The following CCDC91 variants were observed in gnomAD, a reference collection of about 807,000 sequenced individuals.
CCDC91 encodes coiled-coil domain containing 91, also known as coiled-coil domain-containing protein 91.
CCDC91 carries 48 observed loss-of-function variants against 63.2 expected under a neutral mutation model. The observed-to-expected ratio is 0.76, with a 90% CI of 0.60 to 0.97. The LOEUF (loss-of-function observed/expected upper bound fraction) is 0.97, where lower values mean the gene tolerates loss of function less well. CCDC91 is among the 50% of genes least tolerant of loss of function. The pLI is 0.00. For synonymous variants in CCDC91, 167 were observed against 165.8 expected (o/e 1.01, Z -0.06); for missense variants, 500 against 494.6 (o/e 1.01, Z -0.10).
intron 6 of CCDC91, among the ~76,000 whole-genome samples, chr12:28,337,227 T>C (rs761697671): frequency 6.6e-5 from 10 of 152,188 alleles, no homozygotes; most frequent in Non-Finnish European, 1.3e-4. Flanking sequence ...GAATCAGTTG[T>C]AATATTTTCC....
intron 11 of CCDC91, among the ~76,000 whole-genome samples, chr12:28,479,274 T>C (rs372762436): frequency 1.3e-5 from 2 of 152,160 alleles, no homozygotes; most frequent in East Asian, 1.9e-4. Context: ...CATGGAATAC[T>C]ATGCAGCCAT....
intron 6 of CCDC91, among the ~76,000 whole-genome samples, chr12:28,325,702 G>T (rs1368591316): frequency 6.6e-6 from 1 of 151,864 alleles, no homozygotes. Flanking sequence ...CAAGGAAAAT[G>T]CACTGGATTA....
At position 28,510,041 on chromosome 12, in the gene CCDC91, G is replaced by A. The variant is rs556175233; in HGVS notation, c.1215+25876G>A. On this transcript the variant is annotated intron_variant, in intron 12 of 12. Transcript: ENST00000536442. ...GCAAGTAGGGGTACCCATGTAGAAG[G>A]GAGTAGAGACACCAAGGGCTGAATC... Among the ~76,000 whole-genome samples the A allele has an allele frequency of 2.0e-5, 3 of 151,804 alleles. No individual in the cohort carries two copies. In the South Asian group the frequency reaches 6.2e-4, roughly 31 times the overall value.
At chr12:28,427,510 A>G (rs1389617769) in intron 8 of CCDC91, among the ~76,000 whole-genome samples, 1 of 151,912 alleles carries the variant, frequency 6.6e-6, no homozygotes, top group Non-Finnish European at 1.5e-5. Flanking sequence ...CCACCATCGC[A>G]AAGCCTTCTG....
At chr12:28,546,331 A>G (rs1942987130) in intron 12 of CCDC91, among the ~76,000 whole-genome samples, 2 of 152,094 alleles carry the variant, frequency 1.3e-5, no homozygotes, top group Non-Finnish European at 2.9e-5. Flanking sequence ...TTTCTTACAA[A>G]TGCCCACTAA....
At chr12:28,519,913 G>T (rs946523256) in intron 12 of CCDC91, among the ~76,000 whole-genome samples, 1 of 151,858 alleles carries the variant, frequency 6.6e-6, no homozygotes, top group African/African-American at 2.4e-5. Context: ...CCTTTTTTAT[G>T]GCTGCATAGT....
rs535849922 is a variant in CCDC91, at chr12:28,459,296, A to G, written c.1101+6642A>G. ...AACTGTACCACTGCTCAGCCATATT[A>G]TTATAAAAAGACCTGTTTCTATGTC... On this transcript the variant is annotated intron_variant, in intron 11 of 12. Transcript: ENST00000536442. Among the ~76,000 whole-genome samples, 6 of 152,288 alleles carry G rather than the reference A, an allele frequency of 3.9e-5. No individual in the cohort carries two copies. The East Asian group carries it at 1.2e-3, about 29-fold the overall frequency.
In CCDC91 at chr12:28,319,797, A is replaced by G. The variant is rs115228235; in HGVS notation, c.576+12048A>G. Among the ~76,000 whole-genome samples the G allele has an allele frequency of 7.2e-3, 1,100 of 151,850 alleles. 18 individuals are homozygous for G. The highest frequency in any genetic ancestry group is 0.025 in the African/African-American group (1,055 of 41,504). On this transcript the variant is annotated intron_variant, in intron 6 of 12. Coordinates refer to ENST00000536442, the MANE Select transcript of CCDC91 (RefSeq NM_018318.5). ...TAAATTATTGTTATATTGTATCATA[A>G]TAATACAATATAATAATAAGAAGAG...
In CCDC91 at chr12:28,439,692, A is replaced by G. The variant is rs78572488; in HGVS notation, c.763-10469A>G. 1.2e-3 allele frequency among the ~76,000 whole-genome samples: 187 copies of G among 151,270 alleles called. 2 individuals carry two copies. The highest frequency in any genetic ancestry group is 4.4e-3 in the African/African-American group (180 of 41,356). On this transcript the variant is annotated intron_variant, in intron 8 of 12. Transcript: ENST00000536442. The stretch of plus-strand genomic sequence containing the variant: ...TTGTCTACAATATCTTTTGTGACTC[A>G]CATTCCAGGAAAGAAGAGGTTTTTT...
chr12:28,443,687 G>T (rs1328031483), intron 8 of CCDC91, among the ~76,000 whole-genome samples: 3 of 152,120 alleles, frequency 2.0e-5, no homozygotes, highest in African/African-American at 7.2e-5. Flanking sequence ...ACTTAGACAT[G>T]TGTGGTGCCA....
intron 12 of CCDC91, among the ~76,000 whole-genome samples, chr12:28,498,735 T>C (rs1430031731): frequency 1.3e-5 from 2 of 151,720 alleles, no homozygotes; most frequent in African/African-American, 2.4e-5. Flanking sequence ...TGAAATTATG[T>C]TCATGTTTTT....
At chr12:28,327,012 A>G (rs1321970374) in intron 6 of CCDC91, among the ~76,000 whole-genome samples, 2 of 152,128 alleles carry the variant, frequency 1.3e-5, no homozygotes, top group Non-Finnish European at 2.9e-5. Context: ...GTTGGGCATT[A>G]AAAGTAAGGA....
intron 12 of CCDC91, among the ~76,000 whole-genome samples, chr12:28,503,680 C>T (rs1938286664): frequency 6.6e-6 from 1 of 152,158 alleles, no homozygotes; most frequent in Non-Finnish European, 1.5e-5. Flanking sequence ...GACTTGGAAC[C>T]AACCCAAATG....
intron 7 of CCDC91, among the ~76,000 whole-genome samples, chr12:28,376,827 C>T (rs1265300013): frequency 1.3e-5 from 2 of 151,730 alleles, no homozygotes; most frequent in African/African-American, 4.8e-5. Flanking sequence ...CTGTTCTTTG[C>T]ATCCTAAATA....
chr12:28,416,525 T>A (rs554655849), intron 8 of CCDC91, among the ~76,000 whole-genome samples: 1 of 151,644 alleles, frequency 6.6e-6, no homozygotes, highest in Non-Finnish European at 1.5e-5. Context: ...TGGGAGTGGG[T>A]GGGTGGATGG....
At chr12:28,412,242 G>C (rs1375444909) in intron 8 of CCDC91, among the ~76,000 whole-genome samples, 1 of 152,106 alleles carries the variant, frequency 6.6e-6, no homozygotes, top group Non-Finnish European at 1.5e-5. Context: ...ATGTGTTCCT[G>C]TCATTAAGTG....
At chr12:28,340,696 G>A (rs1226357115) in intron 6 of CCDC91, among the ~76,000 whole-genome samples, 2 of 152,200 alleles carry the variant, frequency 1.3e-5, no homozygotes, top group Non-Finnish European at 2.9e-5. Flanking sequence ...TGGGCAGGTT[G>A]TGGGGCTCCA....
At chr12:28,323,736 G>C (rs1940735399) in intron 6 of CCDC91, among the ~76,000 whole-genome samples, 1 of 151,880 alleles carries the variant, frequency 6.6e-6, no homozygotes, top group South Asian at 2.1e-4. Flanking sequence ...TTAGAGTTTA[G>C]ACTCAGAATA....
At chr12:28,380,500 T>C (rs1945233606) in intron 7 of CCDC91, among the ~76,000 whole-genome samples, 1 of 152,148 alleles carries the variant, frequency 6.6e-6, no homozygotes, top group Non-Finnish European at 1.5e-5. Context: ...AGTCTCATTC[T>C]ATCAGAATAT....
Sources: allele counts gnomAD v4.1 joint callset (sites outside exome capture counted in the v4.1 genomes callset), GRCh38; gene constraint gnomAD v4.1.1; transcripts MANE v1.5; gene names NCBI Gene and HGNC (gene_info 2026-07-23, HGNC 2026-07-21).